The following RNF150 variants were observed in gnomAD, a reference collection of about 807,000 sequenced individuals.
RNF150 encodes the protein ring finger protein 150.
In RNF150, 24 loss-of-function variants were observed where a neutral mutation model predicts 39.3. That is an observed-to-expected ratio of 0.61 (90% CI 0.44 to 0.86). The LOEUF (loss-of-function observed/expected upper bound fraction) is 0.86. Ranked by LOEUF, RNF150 falls within the 40% of genes least tolerant of loss-of-function variation. The pLI, the probability that RNF150 is intolerant of heterozygous loss-of-function variation, is 0.00. For missense variants in RNF150, 502 were observed against 587.8 expected, an observed-to-expected ratio of 0.85 and a Z score of 1.51; for synonymous variants, 255 against 227.3, an observed-to-expected ratio of 1.12 and a Z score of -1.10.
At chr4:141,046,230 C>A (rs55973339) in intron 1 of RNF150, among the ~76,000 whole-genome samples, 7,061 of 152,228 alleles carry the variant, frequency 0.046, 207 homozygotes, top group East Asian at 0.16. Flanking sequence ...TTTCGTCTCT[C>A]CATGACCTTA....
chr4:141,087,578 G>C (rs1489610136), intron 1 of RNF150, among the ~76,000 whole-genome samples: 1 of 151,690 alleles, frequency 6.6e-6, no homozygotes, highest in East Asian at 1.9e-4. Flanking sequence ...CATCTTTTTT[G>C]AAATGCTGGT....
upstream of RNF150, among the ~76,000 whole-genome samples, chr4:141,135,973 T>G (rs919990172): frequency 3.3e-5 from 5 of 152,154 alleles, no homozygotes; most frequent in Non-Finnish European, 7.4e-5. Context: ...CGGCATGGTC[T>G]AGACATAAGG....
intron 6 of RNF150, among the ~76,000 whole-genome samples, chr4:140,896,698 AAAC>A (rs553228957): frequency 0.37 from 39,619 of 107,100 alleles, 6,329 homozygotes; most frequent in East Asian, 0.46. Flanking sequence ...AAAAAAAAAA[AAAC>A]AAAAAAACAA....
chr4:141,163,192 T>C (rs890249887), intron 1 of RNF150, among the ~76,000 whole-genome samples: 6 of 152,174 alleles, frequency 3.9e-5, no homozygotes, highest in Admixed American at 1.3e-4. Flanking sequence ...ACCGGGAAGT[T>C]TGAACTGGGC....
intron 1 of RNF150, among the ~76,000 whole-genome samples, chr4:141,147,818 T>C (rs1727227938): frequency 6.6e-6 from 1 of 152,082 alleles, no homozygotes; most frequent in Non-Finnish European, 1.5e-5. Context: ...ACATTACTAA[T>C]TTTTTCTTCC....
chr4:140,953,405 G>C (rs181797160), intron 2 of RNF150, among the ~76,000 whole-genome samples: 1 of 152,128 alleles, frequency 6.6e-6, no homozygotes, highest in Non-Finnish European at 1.5e-5. Flanking sequence ...TTTGGCAGCG[G>C]TGGATAAAGG....
intron 1 of RNF150, among the ~76,000 whole-genome samples, chr4:141,070,315 G>A (rs1737641821): frequency 6.6e-6 from 1 of 151,878 alleles, no homozygotes. Context: ...CAGGACATAG[G>A]CATGGGCAAG....
intron 1 of RNF150, among the ~76,000 whole-genome samples, chr4:141,060,017 T>C (rs1389092425): frequency 6.6e-6 from 1 of 152,214 alleles, no homozygotes; most frequent in Non-Finnish European, 1.5e-5. Flanking sequence ...TTAAAAACAT[T>C]TGATTGAAGC....
At chr4:140,872,558 A>ACAG (rs3033100) in intron 6 of RNF150, among the ~76,000 whole-genome samples, 94,248 of 151,786 alleles carry the variant, frequency 0.62, 30,468 homozygotes, top group East Asian at 0.96. Flanking sequence ...GGAAACTATT[A>ACAG]CAGAACAGAT....
chr4:141,140,900 G>A (rs188480467), intron 1 of RNF150, among the ~76,000 whole-genome samples: 26 of 152,304 alleles, frequency 1.7e-4, no homozygotes, highest in African/African-American at 5.8e-4. Flanking sequence ...GGGAGACAGC[G>A]GTAGCACTGC....
chr4:140,964,387 G>A (rs969650488), intron 2 of RNF150, among the ~76,000 whole-genome samples: 3 of 152,002 alleles, frequency 2.0e-5, no homozygotes, highest in South Asian at 2.1e-4. Context: ...TAAATAGAGC[G>A]AGAGAGCTCT....
chr4:141,204,227 C>T (rs947584061), intron 1 of RNF150, among the ~76,000 whole-genome samples: 3 of 152,038 alleles, frequency 2.0e-5, no homozygotes, highest in South Asian at 2.1e-4. Flanking sequence ...GGGATGAGAA[C>T]CAGCAATATT....
In RNF150 at chr4:140,923,163, C is replaced by G. The variant is rs150274333; in HGVS notation, c.987+2814G>C. Among the ~76,000 whole-genome samples the G allele has an allele frequency of 6.7e-3, 1,016 of 152,134 alleles. 11 individuals carry two copies. Among genetic ancestry groups the G allele is most frequent in the African/African-American group, 0.018 (754 of 41,430 alleles). On this transcript the variant is annotated intron_variant, in intron 5 of 6. Transcript: ENST00000515673. ...GGACCTTCTGCACAGCAAAACAAACCACCATCAGGGTGAACAGGCAACCTA... is the reference window on the plus strand; with the variant it reads ...GGACCTTCTGCACAGCAAAACAAACGACCATCAGGGTGAACAGGCAACCTA...
intron 4 of RNF150, among the ~76,000 whole-genome samples, chr4:140,946,631 C>G (rs1179992876): frequency 6.6e-6 from 1 of 152,062 alleles, no homozygotes; most frequent in East Asian, 1.9e-4. Context: ...GGATTACAGG[C>G]GAGTGCCACC....
intron 1 of RNF150, among the ~76,000 whole-genome samples, chr4:141,190,300 G>A (rs145150217): frequency 1.9e-4 from 29 of 152,242 alleles, no homozygotes; most frequent in African/African-American, 7.0e-4. Context: ...CCAATCAGTC[G>A]ATTTTAAGTT....
intron 1 of RNF150, among the ~76,000 whole-genome samples, chr4:141,106,951 T>C (rs1560742035): frequency 6.6e-6 from 1 of 152,234 alleles, no homozygotes; most frequent in Non-Finnish European, 1.5e-5. Flanking sequence ...TATAGACTGC[T>C]ATATTTAGTA....
At chr4:140,899,702 C>A (rs1425436) in intron 6 of RNF150, among the ~76,000 whole-genome samples, 85,300 of 151,904 alleles carry the variant, frequency 0.56, 24,611 homozygotes, top group East Asian at 0.84. Context: ...CAGAATTATC[C>A]AAACAAAGTG....
At chr4:141,184,532 T>C (rs181378164) in intron 1 of RNF150, among the ~76,000 whole-genome samples, 3 of 152,304 alleles carry the variant, frequency 2.0e-5, no homozygotes, top group Admixed American at 2.0e-4. Flanking sequence ...CAATTTTGGC[T>C]TTTTTTGCAA....
chr4:141,107,596 T>A (rs1739254497), intron 1 of RNF150, among the ~76,000 whole-genome samples: 1 of 152,168 alleles, frequency 6.6e-6, no homozygotes, highest in Non-Finnish European at 1.5e-5. Context: ...TTCCTTTCCT[T>A]TTGTACATAA....
Sources: allele counts gnomAD v4.1 joint callset (sites outside exome capture counted in the v4.1 genomes callset), GRCh38; gene constraint gnomAD v4.1.1; transcripts MANE v1.5; gene names NCBI Gene and HGNC (gene_info 2026-07-23, HGNC 2026-07-21).